The following MAP3K5 variants were observed in gnomAD, a reference collection of about 807,000 sequenced individuals.
MAP3K5 encodes ASK-1.
A neutral mutation model predicts 158.7 loss-of-function variants in MAP3K5; 56 were observed. That is an observed-to-expected ratio of 0.35 (90% CI 0.28 to 0.44). The LOEUF (loss-of-function observed/expected upper bound fraction) is 0.44. Among genes scored for constraint, MAP3K5 ranks in the 20% least tolerant of loss-of-function variants. The pLI is 1.00. For missense variants in MAP3K5, 1,294 were observed against 1,674.8 expected (o/e 0.77, Z 3.97); for synonymous variants, 579 against 601.7 (o/e 0.96, Z 0.55).
rs116774934 is a variant in MAP3K5 at position 136,605,959 on chromosome 6, A to G, written c.2522-593T>C. Among the ~76,000 whole-genome samples the G allele has an allele frequency of 4.9e-3, 739 of 152,152 alleles. 6 individuals carry two copies. The highest frequency in any genetic ancestry group is 0.017 in the African/African-American group (708 of 41,512). On this transcript the variant is annotated intron_variant, in intron 18 of 29. Transcript: ENST00000359015. ...CTATTCTGTAATCCAAATATACATG[A>G]CTCCTGCTGCTGTCTGTGGTCCATG...
At position 136,569,414 on chromosome 6, in the gene MAP3K5, A is replaced by T. The variant is rs1340600625; in HGVS notation, c.3518-1540T>A. On this transcript the variant is annotated intron_variant, in intron 25 of 29. Transcript: ENST00000359015. The stretch of plus-strand genomic sequence containing the variant: ...CTTGTTACTTAGGGGCTTCATCTAC[A>T]TAATAAGAACCTTGGCTTCCACAAT... 2.0e-5 allele frequency among the ~76,000 whole-genome samples: 3 copies of T among 152,200 alleles called. No homozygotes were observed. The East Asian group carries it at 5.8e-4, about 29-fold the overall frequency.
rs1246921217 is a variant in MAP3K5, at chr6:136,583,559, T to C, written c.3407A>G (p.Asp1136Gly). The C allele has an allele frequency of 1.9e-6, 3 of 1,612,584 alleles. No homozygotes were observed. In the East Asian group the frequency reaches 6.7e-5, roughly 36 times the overall value. The change falls in exon 24 of 30, where the codon GAT becomes GGT. Residue 1136 changes from aspartate (D) to glycine (G), a missense_variant. Coordinates refer to ENST00000359015, the MANE Select transcript of MAP3K5 (RefSeq NM_005923.4). ...QVQVVLFGFQ[D>G]AVNKVLRNHN... ...CTGGCAAAATATCATACTTACAGCA[T>C]CTTGAAAACCAAAGAGTACCACCTG...
At chr6:136,716,560 T>C (rs1440695909) in intron 2 of MAP3K5, among the ~76,000 whole-genome samples, 1 of 152,206 alleles carries the variant, frequency 6.6e-6, no homozygotes, top group Admixed American at 6.5e-5. Context: ...TTCCTCACTC[T>C]ACACAAAACA....
chr6:136,643,888 AG>A (rs1778112921), intron 11 of MAP3K5, among the ~76,000 whole-genome samples: 1 of 152,096 alleles, frequency 6.6e-6, no homozygotes, highest in African/African-American at 2.4e-5. Flanking sequence ...TGTTGGCCTC[AG>A]GTGAACTTCT....
chr6:136,596,292 G>C (rs1489467719), intron 21 of MAP3K5, among the ~76,000 whole-genome samples: 5 of 152,222 alleles, frequency 3.3e-5, no homozygotes, highest in Non-Finnish European at 7.3e-5. Flanking sequence ...AAGTAAGAGA[G>C]AACAGTCATC....
chr6:136,591,323 G>GGT lies in MAP3K5; in HGVS notation c.3225+848_3225+849dup, dbSNP rs377524743. Among the ~76,000 whole-genome samples the GGT allele has an allele frequency of 6.4e-4, 97 of 152,204 alleles. 1 individual carries two copies. Among genetic ancestry groups the GGT allele is most frequent in the African/African-American group, 2.1e-3 (88 of 41,538 alleles). On this transcript the variant is annotated intron_variant, in intron 23 of 29. Coordinates refer to ENST00000359015, the MANE Select transcript of MAP3K5 (RefSeq NM_005923.4). ...TGTGTGTCTACGTGGTCTCAGTGTG[G>GGT]GTGTGTGTGTGTATGTACCCTGCAG...
At chr6:136,717,267 A>T (rs922163984) in intron 2 of MAP3K5, among the ~76,000 whole-genome samples, 3 of 152,174 alleles carry the variant, frequency 2.0e-5, no homozygotes, top group Non-Finnish European at 2.9e-5. Context: ...TAGATTCTAA[A>T]TATCCTTTCA....
intron 11 of MAP3K5, among the ~76,000 whole-genome samples, chr6:136,646,828 T>C (rs1778281273): frequency 6.6e-6 from 1 of 152,244 alleles, no homozygotes; most frequent in Admixed American, 6.5e-5. Context: ...CTAACATGTA[T>C]ATAGACAGTT....
intron 1 of MAP3K5, among the ~76,000 whole-genome samples, chr6:136,772,240 G>A (rs368237831): frequency 2.2e-4 from 34 of 151,792 alleles, no homozygotes; most frequent in South Asian, 6.2e-4. Context: ...TATTTTGAGG[G>A]GGGGGGAGAC....
At chr6:136,755,092 T>C (rs748702334) in intron 1 of MAP3K5, among the ~76,000 whole-genome samples, 2 of 152,072 alleles carry the variant, frequency 1.3e-5, no homozygotes, top group Non-Finnish European at 2.9e-5. Context: ...ACAAAATTCA[T>C]GTTGATCTTT....
intron 21 of MAP3K5, among the ~76,000 whole-genome samples, chr6:136,593,089 C>G (rs1390057177): frequency 6.6e-6 from 1 of 152,126 alleles, no homozygotes; most frequent in African/African-American, 2.4e-5. Flanking sequence ...ACCACAGGTT[C>G]CAATCCTGTT....
At chr6:136,568,835 G>A (rs1774234751) in intron 25 of MAP3K5, among the ~76,000 whole-genome samples, 2 of 139,182 alleles carry the variant, frequency 1.4e-5, no homozygotes, top group African/African-American at 5.4e-5. Flanking sequence ...TCCAACCTGG[G>A]CAACAGAGCA....
Position 136,592,514 on chromosome 6 carries a change from C to T in MAP3K5, c.2979G>A (p.Val993=), listed in dbSNP as rs768010290. The T allele has an allele frequency of 6.2e-7, 1 of 1,613,982 alleles. No homozygotes were observed. Among genetic ancestry groups the T allele is most frequent in the South Asian group, 1.1e-5 (1 of 91,082 alleles). The change falls in exon 22 of 30, where the codon GTG becomes GTA. Residue 993 remains valine (V), a synonymous_variant. Coordinates refer to ENST00000359015, the MANE Select transcript of MAP3K5 (RefSeq NM_005923.4). ...CTCTTGTTTTGAAAGAGAAGGGGTC[C>T]ACTTTCAACTCCGTGTCGGGTGAAA... ...GSVSPDTELK[V]DPFSFKTRAK... is the part of the protein sequence containing the mutation.
chr6:136,691,510 T>C (rs1160391917), intron 7 of MAP3K5, among the ~76,000 whole-genome samples: 12 of 151,216 alleles, frequency 7.9e-5, no homozygotes, highest in South Asian at 2.1e-4. Flanking sequence ...ACTTGGGAGG[T>C]TGAGGCACGA....
chr6:136,634,643 G>A (rs565867918), intron 14 of MAP3K5, among the ~76,000 whole-genome samples: 2 of 150,664 alleles, frequency 1.3e-5, no homozygotes, highest in East Asian at 3.9e-4. Context: ...GCAGTGGTGC[G>A]ATCTCGGCTC....
chr6:136,727,311 C>T (rs181614349), intron 1 of MAP3K5, among the ~76,000 whole-genome samples: 212 of 152,298 alleles, frequency 1.4e-3, no homozygotes, highest in Non-Finnish European at 6.2e-4. Flanking sequence ...ACAGTATATG[C>T]TTTTCAAATA....
At chr6:136,694,998 C>T (rs1052465608) in intron 6 of MAP3K5, among the ~76,000 whole-genome samples, 20 of 151,728 alleles carry the variant, frequency 1.3e-4, no homozygotes, top group African/African-American at 2.4e-4. Flanking sequence ...ATAGGCAAAT[C>T]TGTAAAGACT....
At chr6:136,687,863 G>C (rs938557875) in intron 7 of MAP3K5, among the ~76,000 whole-genome samples, 1 of 152,132 alleles carries the variant, frequency 6.6e-6, no homozygotes, top group African/African-American at 2.4e-5. Context: ...ACAGTGTGGC[G>C]ATTCCTCAAG....
chr6:136,686,402 A>T (rs566669384), intron 7 of MAP3K5, among the ~76,000 whole-genome samples: 47 of 152,332 alleles, frequency 3.1e-4, no homozygotes, highest in Non-Finnish European at 6.2e-4. Flanking sequence ...TATTCAACAT[A>T]GTATTGGAAG....
Sources: allele counts gnomAD v4.1 joint callset (sites outside exome capture counted in the v4.1 genomes callset), GRCh38; gene constraint gnomAD v4.1.1; transcripts MANE v1.5; gene names NCBI Gene and HGNC (gene_info 2026-07-23, HGNC 2026-07-21).